The following CDKN2B-AS1 variants were observed in gnomAD, a reference collection of about 807,000 sequenced individuals.
CDKN2B-AS1 encodes the protein CDKN2B antisense RNA 1 (non-protein coding).
At position 21,999,224 on chromosome 9, in the gene CDKN2B-AS1, C is replaced by A. The variant is rs1220827415; in HGVS notation, n.29+4063C>A. On this transcript the variant is annotated intron_variant and non_coding_transcript_variant, in intron 1 of 4. Transcript: ENST00000650946. This position sits in a 1 kb window ranked among gnomAD's most constrained non-coding sequence, Gnocchi z 4.7. ...CAAAACTGTATGAGAATATAGGTAC[C>A]CTTTGACTCAGCTATTCCACTATTT... is the stretch of plus-strand genomic sequence containing the variant. Among the ~76,000 whole-genome samples the A allele has an allele frequency of 2.0e-5, 3 of 151,598 alleles. No individual in the cohort carries two copies. Among genetic ancestry groups the A allele is most frequent in the Non-Finnish European group, 2.9e-5 (2 of 67,906 alleles).
At chr9:22,044,595 C>T (rs929429068) in intron 1 of CDKN2B-AS1, among the ~76,000 whole-genome samples, 3 of 151,910 alleles carry the variant, frequency 2.0e-5, no homozygotes, top group African/African-American at 7.2e-5. Flanking sequence ...TGTTATATTT[C>T]CAGAACCTGG....
At chr9:22,016,509 A>T (rs1156902043) in intron 1 of CDKN2B-AS1, among the ~76,000 whole-genome samples, 1 of 152,220 alleles carries the variant, frequency 6.6e-6, no homozygotes, top group Non-Finnish European at 1.5e-5. Context: ...AAGCCAAAAG[A>T]ACAAAGCTGG....
intron 4 of CDKN2B-AS1, among the ~76,000 whole-genome samples, chr9:22,084,390 T>C (rs938267872): frequency 2.6e-5 from 4 of 152,228 alleles, no homozygotes; most frequent in Non-Finnish European, 5.9e-5. Context: ...GAAAACTTTA[T>C]TTAAAACTCA....
intron 4 of CDKN2B-AS1, among the ~76,000 whole-genome samples, chr9:22,085,742 T>A (rs114403523): frequency 0.062 from 9,100 of 146,202 alleles, 971 homozygotes; most frequent in African/African-American, 0.21. Flanking sequence ...AAAAAAAAAG[T>A]CCCTCTCTTT....
rs34297943 is a variant in CDKN2B-AS1 at position 21,997,480 on chromosome 9, G to GGAGAGAGA, written n.29+2336_29+2343dup. ...ATGTGGGGGAGAGAAAGAGAGGGAG[G>GGAGAGAGA]GAGAGAGAGAGAGAGAGAGAGAGAA... On this transcript the variant is annotated intron_variant and non_coding_transcript_variant, in intron 1 of 4. Transcript: ENST00000650946. This position sits in a 1 kb window ranked among gnomAD's most constrained non-coding sequence, Gnocchi z 4.8. 6.8e-6 allele frequency among the ~76,000 whole-genome samples: 1 copy of GGAGAGAGA among 146,034 alleles called. No homozygotes were observed. Among genetic ancestry groups the GGAGAGAGA allele is most frequent in the Non-Finnish European group, 1.5e-5 (1 of 66,048 alleles).
chr9:22,088,468 G>T (rs929970473), intron 4 of CDKN2B-AS1, among the ~76,000 whole-genome samples: 3 of 146,468 alleles, frequency 2.0e-5, no homozygotes, highest in Non-Finnish European at 4.5e-5. Context: ...CACACACACA[G>T]AATTGCCACA....
At chr9:22,106,503 T>G (rs933906884) in intron 4 of CDKN2B-AS1, among the ~76,000 whole-genome samples, 4 of 152,302 alleles carry the variant, frequency 2.6e-5, no homozygotes, top group African/African-American at 7.2e-5. Flanking sequence ...AGGCATGCGC[T>G]ACCGTGCCCA....
chr9:22,082,394 A>G (rs1468870527), intron 4 of CDKN2B-AS1, among the ~76,000 whole-genome samples: 1 of 152,172 alleles, frequency 6.6e-6, no homozygotes, highest in Non-Finnish European at 1.5e-5. Context: ...AGAAAATGTT[A>G]TTTCCTCCTT....
At chr9:22,086,885 AT>A in intron 4 of CDKN2B-AS1, among the ~76,000 whole-genome samples, 1 of 152,246 alleles carries the variant, frequency 6.6e-6, no homozygotes, top group Non-Finnish European at 1.5e-5. Context: ...TCTGAATAAT[AT>A]TTTTTCCAAC....
chr9:22,057,662 G>T (rs1229363350), intron 4 of CDKN2B-AS1, among the ~76,000 whole-genome samples: 1 of 152,066 alleles, frequency 6.6e-6, no homozygotes, highest in Non-Finnish European at 1.5e-5. Context: ...ACAAAAATTA[G>T]CCAGGTGTGG....
rs199565945 is a variant in CDKN2B-AS1, at chr9:22,045,160, TAGG to T, written n.30-1588_30-1586del. Among the ~76,000 whole-genome samples the T allele has an allele frequency of 2.0e-3, 307 of 151,298 alleles. 6 individuals carry two copies. The East Asian group carries it at 0.051, about 25-fold the overall frequency. Reference sequence around the variant, plus strand: ...TAGGATTAAGAGGATAAAGGAAAAATAGGAGAAGGGGAAATATGAGTATCATGA... The same window carrying T: ...TAGGATTAAGAGGATAAAGGAAAAATAGAAGGGGAAATATGAGTATCATGA... On this transcript the variant is annotated intron_variant and non_coding_transcript_variant, in intron 1 of 4. Transcript: ENST00000650946.
intron 4 of CDKN2B-AS1, among the ~76,000 whole-genome samples, chr9:22,080,463 C>G (rs548107879): frequency 1.3e-5 from 2 of 152,226 alleles, no homozygotes; most frequent in Non-Finnish European, 2.9e-5. Context: ...TCACAATACA[C>G]TGTGGAGGGG....
intron 4 of CDKN2B-AS1, among the ~76,000 whole-genome samples, chr9:22,069,966 G>A (rs919279292): frequency 6.6e-6 from 1 of 152,080 alleles, no homozygotes; most frequent in Non-Finnish European, 1.5e-5. Flanking sequence ...AGGTTCAAGT[G>A]ATTCTTTCTA....
At chr9:22,047,011 C>G (rs1384201696) in intron 2 of CDKN2B-AS1, 1 of 151,950 alleles carries the variant, frequency 6.6e-6, no homozygotes, top group Non-Finnish European at 1.5e-5. Context: ...TTCTTTGAGC[C>G]CTCGTTTATT....
intron 1 of CDKN2B-AS1, among the ~76,000 whole-genome samples, chr9:22,025,299 C>T (rs982221452): frequency 1.3e-5 from 2 of 152,162 alleles, no homozygotes; most frequent in East Asian, 1.9e-4. Flanking sequence ...ATGGACTGGC[C>T]TCCTCTCCTT....
chr9:22,106,692 G>C (rs1385812218), intron 4 of CDKN2B-AS1, among the ~76,000 whole-genome samples: 2 of 152,188 alleles, frequency 1.3e-5, no homozygotes, highest in Non-Finnish European at 2.9e-5. Flanking sequence ...CAGTAGTGAG[G>C]TACATAACTG....
chr9:22,016,372 C>T (rs1587403912), intron 1 of CDKN2B-AS1, among the ~76,000 whole-genome samples: 1 of 152,140 alleles, frequency 6.6e-6, no homozygotes, highest in African/African-American at 2.4e-5. Context: ...GCCATACTGC[C>T]CAAGGTAATT....
intron 4 of CDKN2B-AS1, among the ~76,000 whole-genome samples, chr9:22,102,366 A>G (rs1051363523): frequency 1.4e-4 from 21 of 152,296 alleles, no homozygotes; most frequent in African/African-American, 4.1e-4. Flanking sequence ...TAAGTTTTCT[A>G]TGGTTGCCAT....
At chr9:22,065,535 A>G (rs1823999931) in intron 4 of CDKN2B-AS1, 1 of 152,178 alleles carries the variant, frequency 6.6e-6, no homozygotes. Context: ...AGACGTTACA[A>G]TTTCTTGGAA....
Sources: allele counts gnomAD v4.1 joint callset (sites outside exome capture counted in the v4.1 genomes callset), GRCh38; gene constraint gnomAD v4.1.1; non-coding constraint Gnocchi (gnomAD v3.1); transcripts MANE v1.5; gene names NCBI Gene and HGNC (gene_info 2026-07-23, HGNC 2026-07-21).